Variants in SNAP23 observed in about 807,000 individuals in gnomAD.
The protein encoded by SNAP23 is synaptosome associated protein 23.
Under a neutral mutation model 29.0 loss-of-function variants are expected in SNAP23, and 11 were observed. The observed-to-expected ratio is 0.38, with a 90% CI of 0.24 to 0.63. The LOEUF (loss-of-function observed/expected upper bound fraction) is 0.63. Among genes scored for constraint, SNAP23 ranks in the 20% least tolerant of loss-of-function variants. The pLI, the probability that SNAP23 is intolerant of heterozygous loss-of-function variation, is 0.58. For synonymous variants in SNAP23, 60 were observed against 82.9 expected (o/e 0.72, Z 1.50); for missense variants, 220 against 253.9 (o/e 0.87, Z 0.91).
intron 5 of SNAP23, chr15:42,522,208 G>A (rs780544479): frequency 3.3e-5 from 5 of 152,176 alleles, no homozygotes; most frequent in African/African-American, 7.2e-5. Flanking sequence ...CAGTCTAGTC[G>A]TCTCAAATCC....
chr15:42,491,943 C>T (rs1344334422), upstream of SNAP23, among the ~76,000 whole-genome samples: 1 of 145,392 alleles, frequency 6.9e-6, no homozygotes, highest in Non-Finnish European at 1.5e-5. Flanking sequence ...TGGAGTCTTG[C>T]TCTGTCGTTC....
intron 1 of SNAP23, among the ~76,000 whole-genome samples, chr15:42,509,673 C>T (rs149483582): frequency 0.01 from 1,542 of 152,220 alleles, 35 homozygotes; most frequent in African/African-American, 0.035. Context: ...CTCCTAACCC[C>T]GTGATCCATC....
At chr15:42,506,961 G>T (rs1644633207) in intron 1 of SNAP23, among the ~76,000 whole-genome samples, 1 of 151,988 alleles carries the variant, frequency 6.6e-6, no homozygotes, top group Admixed American at 6.6e-5. Flanking sequence ...TGGGACTACA[G>T]GCATGCGCCC....
Position 42,513,387 on chromosome 15 carries a change from C to G in SNAP23, c.100-12C>G, listed in dbSNP as rs2057373312. 2 of 1,612,952 alleles carry G rather than the reference C, an allele frequency of 1.2e-6. No individual in the cohort carries two copies. Among genetic ancestry groups the G allele is most frequent in the East Asian group, 4.5e-5 (2 of 44,840 alleles). On this transcript the variant is annotated splice_polypyrimidine_tract_variant and intron_variant, in intron 3 of 7. Transcript: ENST00000249647. Reference sequence around the variant, plus strand: ...TTTTGTTGTACTATCAGCTTTTCCCCCCTTGTCTTAGTCTCAGGATGCAGG... The same window carrying G: ...TTTTGTTGTACTATCAGCTTTTCCCGCCTTGTCTTAGTCTCAGGATGCAGG...
chr15:42,520,545 A>C (rs1325216505), intron 5 of SNAP23, among the ~76,000 whole-genome samples: 2 of 151,934 alleles, frequency 1.3e-5, no homozygotes, highest in Admixed American at 1.3e-4. Flanking sequence ...CCCAGGCTGG[A>C]GTGCAGTGGC....
chr15:42,507,504 GA>G (rs2057325212), intron 1 of SNAP23, among the ~76,000 whole-genome samples: 2 of 152,122 alleles, frequency 1.3e-5, no homozygotes, highest in Non-Finnish European at 2.9e-5. Context: ...AGCAGCACTG[GA>G]AAAATGACAC....
At chr15:42,521,940 ACTC>A (rs1420291122) in intron 5 of SNAP23, 21 of 315,840 alleles carry the variant, frequency 6.6e-5, no homozygotes, top group South Asian at 6.6e-4. Flanking sequence ...AAATAACAAT[ACTC>A]CTGGAGTTTC....
chr15:42,502,522 A>C (rs1270229155), intron 1 of SNAP23, among the ~76,000 whole-genome samples: 2 of 152,082 alleles, frequency 1.3e-5, no homozygotes, highest in African/African-American at 4.8e-5. Context: ...TATCTACCTA[A>C]ATAAATAAAT....
chr15:42,509,842 A>G (rs1201201243), intron 1 of SNAP23, among the ~76,000 whole-genome samples: 1 of 152,040 alleles, frequency 6.6e-6, no homozygotes, highest in Non-Finnish European at 1.5e-5. Context: ...GCTGAGGTGG[A>G]TAGATCACCT....
upstream of SNAP23, among the ~76,000 whole-genome samples, chr15:42,493,569 C>T (rs548296058): frequency 3.9e-5 from 6 of 152,154 alleles, no homozygotes; most frequent in South Asian, 1.0e-3. Flanking sequence ...AACTAATGAA[C>T]TCAACCATAC....
chr15:42,520,997 T>C (rs1466188772), intron 5 of SNAP23, among the ~76,000 whole-genome samples: 1 of 152,234 alleles, frequency 6.6e-6, no homozygotes, highest in African/African-American at 2.4e-5. Flanking sequence ...AAAATGAATA[T>C]TGAATTATAT....
chr15:42,521,397 A>T (rs2057448081), intron 5 of SNAP23: 1 of 952,040 alleles, frequency 1.1e-6, no homozygotes. Context: ...TCTGAGGAAA[A>T]ATGAAATGTG....
At chr15:42,515,495 T>G in intron 5 of SNAP23, 141 bp downstream of exon 5, 1 of 597,388 alleles carries the variant, frequency 1.7e-6, no homozygotes, top group Non-Finnish European at 3.0e-6. Flanking sequence ...TCAGGCAGAT[T>G]AAGCTTTTTG....
At chr15:42,494,786 A>C (rs1490544359), upstream of SNAP23, among the ~76,000 whole-genome samples, 1 of 152,026 alleles carries the variant, frequency 6.6e-6, no homozygotes, top group Admixed American at 6.6e-5. Context: ...AAGTGCTGGG[A>C]TTGATTACAG....
intron 7 of SNAP23, among the ~76,000 whole-genome samples, 193 bp downstream of exon 7, chr15:42,530,012 T>C (rs2141561713): frequency 6.6e-6 from 1 of 152,302 alleles, no homozygotes; most frequent in East Asian, 1.9e-4. Context: ...TTGGTGCATT[T>C]TGAAACCAGA....
At chr15:42,507,048 C>T (rs2057322352) in intron 1 of SNAP23, among the ~76,000 whole-genome samples, 1 of 152,048 alleles carries the variant, frequency 6.6e-6, no homozygotes, top group African/African-American at 2.4e-5. Flanking sequence ...GAATTCCTGG[C>T]CTCAAGCAGT....
chr15:42,503,733 C>T (rs1246556802), intron 1 of SNAP23, among the ~76,000 whole-genome samples: 1 of 151,948 alleles, frequency 6.6e-6, no homozygotes, highest in Non-Finnish European at 1.5e-5. Flanking sequence ...AAACTCCTGA[C>T]CTCAGGTGAT....
rs763338403 is a variant in SNAP23, at chr15:42,531,388, A to G, written c.571-25A>G. 4 of 1,482,746 alleles carry G rather than the reference A, an allele frequency of 2.7e-6. No homozygotes were observed. The South Asian group carries it at 5.8e-5, about 21-fold the overall frequency. 91.8% of individuals were successfully genotyped at this position (1,482,746 alleles called of 1,614,324 possible). A position where few individuals can be genotyped will look rare whatever the true frequency, so the allele number is the denominator to read the frequency against. ...TTTATTAGAGTTACTTACCTTGTAA[A>G]GCTGATATCTTTCTTGTTTTTCAGG... is the stretch of plus-strand genomic sequence containing the variant. On this transcript the variant is annotated intron_variant, in intron 7 of 7. Coordinates refer to ENST00000249647, the MANE Select transcript of SNAP23 (RefSeq NM_003825.4).
chr15:42,511,842 T>TC lies in SNAP23; in HGVS notation c.-4dup, dbSNP rs776754560. The stretch of plus-strand genomic sequence containing the variant: ...TTTCTGTGCCTAATAGAGTTTTGAT[T>TC]CATCATGGATAATCTGTCATCAGAA... On this transcript the variant is annotated 5_prime_UTR_variant, in exon 2 of 8. Coordinates refer to ENST00000249647, the MANE Select transcript of SNAP23 (RefSeq NM_003825.4). The TC allele has an allele frequency of 1.3e-6, 2 of 1,578,484 alleles. No individual in the cohort carries two copies. Among genetic ancestry groups the TC allele is most frequent in the Non-Finnish European group, 8.6e-7 (1 of 1,159,342 alleles).
Sources: allele counts gnomAD v4.1 joint callset (sites outside exome capture counted in the v4.1 genomes callset), GRCh38; gene constraint gnomAD v4.1.1; transcripts MANE v1.5; gene names NCBI Gene and HGNC (gene_info 2026-07-23, HGNC 2026-07-21).